Variants in FAT3 observed in about 807,000 individuals in gnomAD.
FAT3 encodes the protein protocadherin Fat 3.
In FAT3, 95 loss-of-function variants were observed where a neutral mutation model predicts 310.2. The ratio of observed to expected loss-of-function variants is 0.31; its 90% CI spans 0.26 to 0.36. The LOEUF is 0.36. Ranked by LOEUF, FAT3 falls within the 10% of genes least tolerant of loss-of-function variation. FAT3 has a pLI of 1.00. For missense variants in FAT3, 5,408 were observed against 5,715.6 expected (o/e 0.95, Z 1.74); for synonymous variants, 2,314 against 2,192.9 (o/e 1.06, Z -1.54).
intron 1 of FAT3, among the ~76,000 whole-genome samples, chr11:92,278,580 GA>G: frequency 6.6e-6 from 1 of 152,070 alleles, no homozygotes; most frequent in Non-Finnish European, 1.5e-5. Context: ...TATTCTTTAT[GA>G]AGTATATATT....
intron 1 of FAT3, among the ~76,000 whole-genome samples, chr11:92,347,300 C>G (rs1454630126): frequency 6.6e-6 from 1 of 152,134 alleles, no homozygotes; most frequent in East Asian, 1.9e-4. Context: ...CTCAAGGACT[C>G]CTGTCAAGGG....
At chr11:92,779,444 G>C (rs1946681619) in intron 7 of FAT3, among the ~76,000 whole-genome samples, 1 of 151,952 alleles carries the variant, frequency 6.6e-6, no homozygotes, top group Non-Finnish European at 1.5e-5. Flanking sequence ...GACTTAAATG[G>C]ATTTCCACTG....
rs571807547 is a variant in FAT3 at position 92,560,568 on chromosome 11, A to T, written c.3607+35620A>T. Among the ~76,000 whole-genome samples the T allele has an allele frequency of 4.6e-5, 7 of 152,188 alleles. No homozygotes were observed. The East Asian group carries it at 1.4e-3, about 29-fold the overall frequency. On this transcript the variant is annotated intron_variant, in intron 3 of 27. Transcript: ENST00000525166. ...CTTCTTACTTTTGTTGTTCTAAGAT[A>T]TATTTTTCTTTATATGGGCATATTC...
At chr11:92,239,582 AACTT>A (rs1206256055) in intron 1 of FAT3, among the ~76,000 whole-genome samples, 1 of 152,100 alleles carries the variant, frequency 6.6e-6, no homozygotes, top group African/African-American at 2.4e-5. Flanking sequence ...TGCTGGAACT[AACTT>A]CAGAATTGCT....
At chr11:92,871,187 G>A (rs1296396512) in intron 22 of FAT3, among the ~76,000 whole-genome samples, 2 of 152,178 alleles carry the variant, frequency 1.3e-5, no homozygotes, top group Admixed American at 1.3e-4. Context: ...AAAACAGTGT[G>A]TAGTGGTATT....
chr11:92,304,938 T>G (rs2134435801), intron 1 of FAT3, among the ~76,000 whole-genome samples: 1 of 152,262 alleles, frequency 6.6e-6, no homozygotes, highest in African/African-American at 2.4e-5. Flanking sequence ...TGCTAAATTC[T>G]TTCTGAATTC....
intron 3 of FAT3, among the ~76,000 whole-genome samples, chr11:92,586,735 T>C (rs1393136749): frequency 1.3e-5 from 2 of 152,000 alleles, no homozygotes; most frequent in Non-Finnish European, 2.9e-5. Context: ...TAATTGCAAA[T>C]AATGAGTCTG....
At chr11:92,387,275 G>T (rs1437338903) in intron 2 of FAT3, among the ~76,000 whole-genome samples, 3 of 152,156 alleles carry the variant, frequency 2.0e-5, no homozygotes, top group African/African-American at 7.2e-5. Flanking sequence ...CATGGCTAGA[G>T]CTCTGAGCTG....
At chr11:92,245,902 C>T (rs181215071) in intron 1 of FAT3, among the ~76,000 whole-genome samples, 13 of 152,140 alleles carry the variant, frequency 8.5e-5, no homozygotes, top group Admixed American at 2.0e-4. Context: ...GAACCATCTG[C>T]GCAATGGGGG....
At chr11:92,593,049 C>T (rs1029324665) in intron 3 of FAT3, among the ~76,000 whole-genome samples, 1 of 152,136 alleles carries the variant, frequency 6.6e-6, no homozygotes, top group Non-Finnish European at 1.5e-5. Flanking sequence ...TGTTAGTGGA[C>T]TCATACAGCA....
chr11:92,787,655 G>T (rs1336947012), intron 7 of FAT3, among the ~76,000 whole-genome samples: 3 of 149,578 alleles, frequency 2.0e-5, no homozygotes, highest in Non-Finnish European at 1.5e-5. Flanking sequence ...ATCCAACTAG[G>T]AATAAATTAT....
intron 22 of FAT3, among the ~76,000 whole-genome samples, chr11:92,870,292 T>C (rs2399590): frequency 0.83 from 126,566 of 152,120 alleles, 52,920 homozygotes; most frequent in African/African-American, 0.9. Context: ...GAAGCCACAA[T>C]TACTAGCTTG....
chr11:92,657,689 A>G (rs1251649232), intron 3 of FAT3, among the ~76,000 whole-genome samples: 1 of 152,264 alleles, frequency 6.6e-6, no homozygotes, highest in Non-Finnish European at 1.5e-5. Context: ...GATAAAAGGG[A>G]CAGTGAATAC....
rs187798839 is a variant in FAT3 at position 92,269,945 on chromosome 11, T to A, written c.-18+44771T>A. On this transcript the variant is annotated intron_variant, in intron 1 of 27. Coordinates refer to ENST00000525166, the MANE Select transcript of FAT3 (RefSeq NM_001367949.2). ...CTGTCTGTTGAAGCTCACTTCTTTT[T>A]AAATGCGTTAAGTTATTAGTGTGGA... 6.4e-4 allele frequency among the ~76,000 whole-genome samples: 98 copies of A among 152,248 alleles called. 2 individuals carry two copies. The highest frequency in any genetic ancestry group is 2.2e-3 in the African/African-American group (93 of 41,560).
intron 19 of FAT3, among the ~76,000 whole-genome samples, chr11:92,851,111 G>A (rs931388809): frequency 2.6e-5 from 4 of 152,150 alleles, no homozygotes; most frequent in Admixed American, 6.5e-5. Context: ...CCTGTGACGC[G>A]GATGAGTAAC....
At chr11:92,431,289 T>G (rs1950768335) in intron 2 of FAT3, among the ~76,000 whole-genome samples, 2 of 152,156 alleles carry the variant, frequency 1.3e-5, no homozygotes, top group African/African-American at 2.4e-5. Flanking sequence ...TCATGTGTCT[T>G]TTGGCTGCAT....
intron 1 of FAT3, among the ~76,000 whole-genome samples, chr11:92,330,523 T>C (rs911134849): frequency 6.6e-6 from 1 of 152,156 alleles, no homozygotes; most frequent in Non-Finnish European, 1.5e-5. Flanking sequence ...CTCTGTGAGG[T>C]TGGGGAGAAG....
intron 4 of FAT3, among the ~76,000 whole-genome samples, chr11:92,752,088 TA>T (rs1472740051): frequency 1.3e-5 from 2 of 152,218 alleles, no homozygotes; most frequent in African/African-American, 4.8e-5. Context: ...CTTATTCTGT[TA>T]AGGGCACTTA....
intron 2 of FAT3, chr11:92,498,115 T>C (rs1202203663): frequency 1.3e-5 from 2 of 153,156 alleles, no homozygotes; most frequent in African/African-American, 4.8e-5. Context: ...AATGGGACTT[T>C]TTATCTACCA....
Sources: allele counts gnomAD v4.1 joint callset (sites outside exome capture counted in the v4.1 genomes callset), GRCh38; gene constraint gnomAD v4.1.1; transcripts MANE v1.5; gene names NCBI Gene and HGNC (gene_info 2026-07-23, HGNC 2026-07-21).